The following MS4A6A variants were observed in gnomAD, a reference collection of about 807,000 sequenced individuals.
The protein encoded by MS4A6A is membrane spanning 4-domains A6A, also known as membrane-spanning 4-domains subfamily A member 6A.
MS4A6A carries 19 observed loss-of-function variants against 20.6 expected under a neutral mutation model. The ratio of observed to expected loss-of-function variants is 0.92; its 90% CI spans 0.64 to 1.36. The LOEUF (loss-of-function observed/expected upper bound fraction) is 1.36. Among genes scored for constraint, MS4A6A ranks in the 40% most tolerant of loss-of-function variants. The pLI is 0.00. For missense variants in MS4A6A, 272 were observed against 261.1 expected (o/e 1.04, Z -0.29); for synonymous variants, 108 against 105.0 (o/e 1.03, Z -0.17).
intron 2 of MS4A6A, chr11:60,181,229 G>T: frequency 2.6e-6 from 1 of 385,856 alleles, no homozygotes; most frequent in South Asian, 2.1e-5. Flanking sequence ...CAAAAAGTCA[G>T]TTTGGATTAT....
chr11:60,175,316 G>A (rs2134768249), intron 5 of MS4A6A, 86 bp downstream of exon 5: 4 of 1,159,852 alleles, frequency 3.4e-6, no homozygotes, highest in Middle Eastern at 2.4e-4. Context: ...AGAACCAATA[G>A]AGAGATTTTC....
chr11:60,184,520 T>A (rs1312555517), upstream of MS4A6A: 1 of 152,248 alleles, frequency 6.6e-6, no homozygotes, highest in Non-Finnish European at 1.5e-5. Context: ...AATGTGCTAA[T>A]AAACCAGTTA....
At chr11:60,175,753 A>G (rs2134771843) in intron 4 of MS4A6A, 142 bp from the exon 5 acceptor site, 1 of 809,364 alleles carries the variant, frequency 1.2e-6, no homozygotes, top group East Asian at 2.7e-5. Context: ...ATGCCTCTCC[A>G]GTGTCCAGCA....
rs775951179 is a variant in MS4A6A, at chr11:60,175,411, G to A, written c.540C>T (p.Ala180=). The stretch of plus-strand genomic sequence containing the variant: ...ATCTAAAAATACTTACAGCCAGACT[G>A]GCTTTGGCTGTATAGCAGTCCGTGG... The part of the protein sequence containing the change: ...LYTTDCYTAK[A]SLAGTLSLML... The change falls in exon 5 of 6, where the codon GCC becomes GCT. Residue 180 remains alanine (A), a synonymous_variant. Transcript: ENST00000528851. 6.2e-7 allele frequency: 1 copy of A among 1,611,014 alleles called. No homozygotes were observed. Among genetic ancestry groups the A allele is most frequent in the Non-Finnish European group, 8.5e-7 (1 of 1,177,368 alleles).
At position 60,173,665 on chromosome 11, in the gene MS4A6A, T is replaced by C. The variant is rs1317051303; in HGVS notation, c.550-536A>G. On this transcript the variant is annotated intron_variant, in intron 5 of 5. Transcript: ENST00000528851. ...AATTTAGTATTGACATCCCTGTCTA[T>C]GTATCTGAACCCCTTTGTATTTCTT... is the stretch of plus-strand genomic sequence containing the variant. Among the ~76,000 whole-genome samples, 4 of 152,252 alleles carry C rather than the reference T, an allele frequency of 2.6e-5. No individual in the cohort carries two copies. The South Asian group carries it at 8.3e-4, about 32-fold the overall frequency.
At chr11:60,172,355 T>A (rs1197664806), downstream of MS4A6A, 8 of 1,506,278 alleles carry the variant, frequency 5.3e-6, no homozygotes, top group East Asian at 1.6e-4. Context: ...TCTTAGCTAA[T>A]CCAAGATAAG....
upstream of MS4A6A, chr11:60,183,117 T>C (rs936809912): frequency 6.5e-7 from 1 of 1,535,354 alleles, no homozygotes; most frequent in East Asian, 2.4e-5. Flanking sequence ...TTTACAGCTA[T>C]ACAGGATGTG....
rs900570842 is a variant in MS4A6A, at chr11:60,173,119, G to A, written c.560C>T (p.Ser187Phe). Residue 187 changes from serine (S) to phenylalanine (F), a missense_variant, in exon 6 of 6, where the codon TCT (serine) becomes TTT (phenylalanine). Coordinates refer to ENST00000528851, the MANE Select transcript of MS4A6A (RefSeq NM_022349.4). ...CAGCAGAGTGCAAATCAGCATCAGAGAGAGAGTTCCCTGAAAGTCAAGAAA... is the reference window on the plus strand; with the variant it reads ...CAGCAGAGTGCAAATCAGCATCAGAAAGAGAGTTCCCTGAAAGTCAAGAAA... ...TAKASLAGTL[S>F]LMLICTLLEF... 6.2e-7 allele frequency: 1 copy of A among 1,613,766 alleles called. No individual in the cohort carries two copies. The highest frequency in any genetic ancestry group is 1.7e-5 in the Admixed American group (1 of 59,988).
chr11:60,175,700 A>G, intron 4 of MS4A6A, 89 bp from the exon 5 acceptor site: 2 of 1,373,122 alleles, frequency 1.5e-6, no homozygotes, highest in Non-Finnish European at 2.0e-6. Context: ...TTATTCCCTT[A>G]TCTGTCCCCT....
At chr11:60,180,040 G>T in intron 2 of MS4A6A, 75 bp from the exon 3 acceptor site, 1 of 1,425,880 alleles carries the variant, frequency 7.0e-7, no homozygotes, top group Non-Finnish European at 9.7e-7. Flanking sequence ...CGCTCCCATG[G>T]CACTAATGCA....
At chr11:60,180,727 C>T in intron 2 of MS4A6A, 1 of 249,390 alleles carries the variant, frequency 4.0e-6, no homozygotes, top group South Asian at 4.6e-5. Flanking sequence ...GAGGCCATCC[C>T]CCTTAGCAGA....
chr11:60,179,459 C>T lies in MS4A6A; in HGVS notation c.282+372G>A, dbSNP rs1857013327. On this transcript the variant is annotated intron_variant, in intron 3 of 5. Coordinates refer to ENST00000528851, the MANE Select transcript of MS4A6A (RefSeq NM_022349.4). Reference sequence around the variant, plus strand: ...TGGGGGGGATAACAGTGTGGTTTCTCTGTGAGTGTGTGATGTCTTCCATTT... The same window carrying T: ...TGGGGGGGATAACAGTGTGGTTTCTTTGTGAGTGTGTGATGTCTTCCATTT... The T allele has an allele frequency of 7.2e-5, 40 of 555,904 alleles. No homozygotes were observed. In the South Asian group the frequency reaches 8.8e-4, roughly 12 times the overall value. 34.4% of individuals were successfully genotyped at this position (555,904 alleles called of 1,614,324 possible).
At chr11:60,175,674 G>C in intron 4 of MS4A6A, 63 bp from the exon 5 acceptor site, 4 of 1,536,874 alleles carry the variant, frequency 2.6e-6, no homozygotes, top group Non-Finnish European at 3.6e-6. Context: ...ATGCATCTTT[G>C]CCATTAAATT....
At chr11:60,183,090 C>T (rs966683355), upstream of MS4A6A, 42 of 1,514,418 alleles carry the variant, frequency 2.8e-5, no homozygotes, top group African/African-American at 5.4e-4. Context: ...AGTCATCAGC[C>T]CTTCCTTATT....
rs185080144 is a variant in MS4A6A at position 60,179,907 on chromosome 11, G to A, written c.206C>T (p.Ala69Val). The change falls in exon 3 of 6, where the codon GCT becomes GTT. Residue 69 changes from alanine (A) to valine (V), a missense_variant. Physicochemically the swap from Ala to Val is moderately conservative, Grantham distance 64. Coordinates refer to ENST00000528851, the MANE Select transcript of MS4A6A (RefSeq NM_022349.4). ...VLSLGIILAS[A>V]SFSPNFTQVT... ...TTGGGTAAAATTTGGAGAGAAGGAAGCAGATGCCAAAATGATCCCCAAGCT... is the reference window on the plus strand; with the variant it reads ...TTGGGTAAAATTTGGAGAGAAGGAAACAGATGCCAAAATGATCCCCAAGCT... 4.3e-5 allele frequency: 69 copies of A among 1,613,908 alleles called. 1 individual carries two copies. In the East Asian group the frequency reaches 1.4e-3, roughly 32 times the overall value.
At position 60,175,421 on chromosome 11, in the gene MS4A6A, G is replaced by A. The variant is rs1181737916; in HGVS notation, c.530C>T (p.Thr177Ile). The change falls in exon 5 of 6, where the codon ACA (threonine) becomes ATA (isoleucine). Residue 177 changes from threonine to isoleucine, a missense_variant. Thr to Ile is a moderately conservative substitution (Grantham distance 89). Coordinates refer to ENST00000528851, the MANE Select transcript of MS4A6A (RefSeq NM_022349.4). The stretch of plus-strand genomic sequence containing the variant: ...ACTTACAGCCAGACTGGCTTTGGCT[G>A]TATAGCAGTCCGTGGTATAAAGTGA... ...HDSLYTTDCY[T>I]AKASLAGTLS... 1.2e-6 allele frequency: 2 copies of A among 1,613,850 alleles called. No individual in the cohort carries two copies. Among genetic ancestry groups the A allele is most frequent in the East Asian group, 2.2e-5 (1 of 44,872 alleles).
intron 5 of MS4A6A, among the ~76,000 whole-genome samples, chr11:60,174,405 C>T (rs965463137): frequency 2.7e-5 from 4 of 150,838 alleles, no homozygotes; most frequent in African/African-American, 9.7e-5. Context: ...CTCACTGCAA[C>T]CTCCGCCACC....
At chr11:60,175,676 C>T in intron 4 of MS4A6A, 65 bp from the exon 5 acceptor site, 4 of 1,530,170 alleles carry the variant, frequency 2.6e-6, no homozygotes, top group South Asian at 2.3e-5. Flanking sequence ...GCATCTTTGC[C>T]ATTAAATTGT....
At chr11:60,184,270 C>A (rs1418263234), upstream of MS4A6A, 3 of 152,238 alleles carry the variant, frequency 2.0e-5, no homozygotes, top group African/African-American at 7.2e-5. Flanking sequence ...GGAATGGACT[C>A]ACACAGAAAG....
Sources: allele counts gnomAD v4.1 joint callset (sites outside exome capture counted in the v4.1 genomes callset), GRCh38; gene constraint gnomAD v4.1.1; transcripts MANE v1.5; gene names NCBI Gene and HGNC (gene_info 2026-07-23, HGNC 2026-07-21).